The following GPD2 variants were observed in gnomAD, a reference collection of about 807,000 sequenced individuals.
The protein encoded by GPD2 is glycerol-3-phosphate dehydrogenase, mitochondrial.
A neutral mutation model predicts 82.4 loss-of-function variants in GPD2; 54 were observed. The observed-to-expected ratio is 0.66, with a 90% CI of 0.53 to 0.82. GPD2 has a LOEUF of 0.82. Ranked by LOEUF, GPD2 falls within the 40% of genes least tolerant of loss-of-function variation. GPD2 has a pLI of 0.00. For synonymous variants in GPD2, 288 were observed against 306.1 expected (o/e 0.94, Z 0.62); for missense variants, 748 against 896.2 (o/e 0.83, Z 2.11).
chr2:156,577,040 AACAC>A (rs770368839), intron 13 of GPD2, among the ~76,000 whole-genome samples: 1 of 152,192 alleles, frequency 6.6e-6, no homozygotes, highest in Non-Finnish European at 1.5e-5. Flanking sequence ...CACACACACA[AACAC>A]ACACATTTTA....
Position 156,536,356 on chromosome 2 carries a change from G to C in GPD2, c.662-13252G>C, listed in dbSNP as rs543291976. On this transcript the variant is annotated intron_variant, in intron 6 of 16. Transcript: ENST00000438166. ...AGGTGAGTAGACTATTATAGTCTGA[G>C]TCTTTGATTCTTAGGCTTTGGTTCT... Among the ~76,000 whole-genome samples, 206 of 152,296 alleles carry C rather than the reference G, an allele frequency of 1.4e-3. 1 individual carries two copies. Among genetic ancestry groups the C allele is most frequent in the South Asian group, 2.5e-3 (12 of 4,830 alleles).
At chr2:156,427,704 G>A in the GPD2 span, among the ~76,000 whole-genome samples, 3 of 152,220 alleles carry the variant, frequency 2.0e-5, no homozygotes, top group Non-Finnish European at 2.9e-5. Flanking sequence ...TCCTATTGCT[G>A]TTATAACAAA....
the GPD2 span, among the ~76,000 whole-genome samples, chr2:156,400,774 T>G: frequency 5.3e-5 from 8 of 152,232 alleles, no homozygotes; most frequent in Admixed American, 1.3e-4. Flanking sequence ...GGCTGGGGGA[T>G]GTAGCTCAGT....
chr2:156,506,641 A>G (rs768701056), intron 3 of GPD2, among the ~76,000 whole-genome samples: 1 of 151,642 alleles, frequency 6.6e-6, no homozygotes, highest in Non-Finnish European at 1.5e-5. Context: ...TTTTCTCTTT[A>G]TATCACCCTT....
At chr2:156,476,736 A>G (rs10933056) in intron 2 of GPD2, among the ~76,000 whole-genome samples, 89,068 of 152,018 alleles carry the variant, frequency 0.59, 26,346 homozygotes, top group East Asian at 0.77. Flanking sequence ...AATATTATGA[A>G]GTGTTCAGTT....
chr2:156,572,353 T>C (rs538020455), intron 13 of GPD2, among the ~76,000 whole-genome samples: 212 of 152,314 alleles, frequency 1.4e-3, no homozygotes, highest in African/African-American at 5.0e-3. Context: ...TTTTAATTTT[T>C]TTTTAACAAA....
chr2:156,483,424 G>A (rs182084939), intron 2 of GPD2, among the ~76,000 whole-genome samples: 11 of 152,292 alleles, frequency 7.2e-5, no homozygotes, highest in Admixed American at 2.0e-4. Context: ...CTGGCACATA[G>A]CAGGTCTTCA....
intron 1 of GPD2, among the ~76,000 whole-genome samples, chr2:156,459,084 A>G (rs1313254555): frequency 6.6e-6 from 1 of 152,052 alleles, no homozygotes; most frequent in Non-Finnish European, 1.5e-5. Context: ...TTAATTTTCT[A>G]CTTGTCCGTT....
chr2:156,574,396 T>C (rs1687743745), intron 13 of GPD2, among the ~76,000 whole-genome samples: 1 of 152,134 alleles, frequency 6.6e-6, no homozygotes. Context: ...AAGGAACTTA[T>C]TGGAGACAGA....
intron 2 of GPD2, among the ~76,000 whole-genome samples, chr2:156,477,782 G>C (rs933187499): frequency 4.6e-5 from 7 of 152,162 alleles, no homozygotes; most frequent in Non-Finnish European, 1.0e-4. Context: ...GATCATGCTT[G>C]ATGTACTATT....
rs1688186967 is a variant in GPD2 at position 156,585,522 on chromosome 2, C to T, written c.*2604C>T. ...AAGCCAAGGTTGTCTGCCTCATATC[C>T]ATCATGCTGTTTGCAATATTCTTGC... is the stretch of plus-strand genomic sequence containing the variant. On this transcript the variant is annotated 3_prime_UTR_variant, in exon 17 of 17. Coordinates refer to ENST00000438166, the MANE Select transcript of GPD2 (RefSeq NM_000408.5). The T allele has an allele frequency of 2.6e-5, 4 of 152,390 alleles. No individual in the cohort carries two copies. In the South Asian group the frequency reaches 6.2e-4, roughly 24 times the overall value. The allele number at this position is 152,390 out of a possible 1,614,324, so 9.4% of individuals were successfully genotyped here.
At chr2:156,464,931 G>A (rs552548163) in intron 1 of GPD2, among the ~76,000 whole-genome samples, 27 of 151,884 alleles carry the variant, frequency 1.8e-4, no homozygotes, top group African/African-American at 6.5e-4. Context: ...GCTCACTAAA[G>A]CCTCCACCTC....
rs539100250 is a variant in GPD2, at chr2:156,578,981, A to G, written c.1860A>G (p.Leu620=). The G allele has an allele frequency of 1.2e-6, 2 of 1,604,478 alleles. No homozygotes were observed. The highest frequency in any genetic ancestry group is 2.2e-5 in the South Asian group (2 of 90,880). The change falls in exon 14 of 17, where the codon CTA becomes CTG. Residue 620 remains leucine, a synonymous_variant. Coordinates refer to ENST00000438166, the MANE Select transcript of GPD2 (RefSeq NM_000408.5). The stretch of plus-strand genomic sequence containing the variant: ...TAACAGATCGCTCTGAAATTAGCCT[A>G]CTGCCTTCAGACATTGACAGGTACT... ...EQLTDRSEIS[L]LPSDIDRYKK...
chr2:156,540,739 A>G (rs3769361), intron 6 of GPD2, among the ~76,000 whole-genome samples: 102,984 of 152,116 alleles, frequency 0.68, 35,170 homozygotes, highest in Middle Eastern at 0.81. Flanking sequence ...TGGATTAAAA[A>G]CCATTCCCCA....
chr2:156,543,491 CT>C (rs1303716452), intron 6 of GPD2, among the ~76,000 whole-genome samples: 1 of 152,190 alleles, frequency 6.6e-6, no homozygotes, highest in Non-Finnish European at 1.5e-5. Flanking sequence ...AGCACAATCT[CT>C]GGTACATTAC....
At chr2:156,515,296 G>C (rs1248042414) in intron 6 of GPD2, among the ~76,000 whole-genome samples, 1 of 151,756 alleles carries the variant, frequency 6.6e-6, no homozygotes, top group Non-Finnish European at 1.5e-5. Context: ...CAGCTACTTG[G>C]GGGGCTGAGG....
chr2:156,400,756 A>G, the GPD2 span, among the ~76,000 whole-genome samples: 9 of 152,224 alleles, frequency 5.9e-5, no homozygotes, highest in East Asian at 5.8e-4. Context: ...CACCAGAAAT[A>G]TGCTTTCGGC....
At chr2:156,428,420 A>C in the GPD2 span, among the ~76,000 whole-genome samples, 1 of 152,258 alleles carries the variant, frequency 6.6e-6, no homozygotes, top group South Asian at 2.1e-4. Context: ...TAAGAGGACC[A>C]GGTTGACAGT....
intron 1 of GPD2, among the ~76,000 whole-genome samples, chr2:156,467,197 G>A (rs763611017): frequency 1.7e-4 from 26 of 151,718 alleles, no homozygotes; most frequent in Non-Finnish European, 3.1e-4. Flanking sequence ...GGCAGTAATT[G>A]CCTGGGGAAA....
Sources: allele counts gnomAD v4.1 joint callset (sites outside exome capture counted in the v4.1 genomes callset), GRCh38; gene constraint gnomAD v4.1.1; transcripts MANE v1.5; gene names NCBI Gene and HGNC (gene_info 2026-07-23, HGNC 2026-07-21).